Variants in TENT4B observed in about 807,000 individuals in gnomAD.
TENT4B encodes the protein PAP associated domain containing 5.
In TENT4B, 10 loss-of-function variants were observed where a neutral mutation model predicts 75.0. That is an observed-to-expected ratio of 0.13 (90% confidence interval 0.08 to 0.23). The LOEUF is 0.23. Ranked by LOEUF, TENT4B falls within the 10% of genes least tolerant of loss-of-function variation. The probability of loss-of-function intolerance (pLI) is 1.00; values close to 1 mark genes in which losing one functional copy is unlikely to be tolerated. For missense variants in TENT4B, 579 were observed against 893.8 expected (o/e 0.65, Z 4.49); for synonymous variants, 350 against 357.7 (o/e 0.98, Z 0.24).
At chr16:50,208,969 G>A (rs773167961) in intron 1 of TENT4B, among the ~76,000 whole-genome samples, 9 of 152,200 alleles carry the variant, frequency 5.9e-5, no homozygotes, top group African/African-American at 1.9e-4. Context: ...GGCCTCAGGC[G>A]ATCTGCCTGC....
intron 1 of TENT4B, among the ~76,000 whole-genome samples, chr16:50,210,520 G>A (rs1254447651): frequency 1.3e-5 from 2 of 152,172 alleles, no homozygotes; most frequent in African/African-American, 4.8e-5. Flanking sequence ...TTGCAACTCA[G>A]TGATTCATGA....
chr16:50,183,935 T>C (rs1305770101), intron 1 of TENT4B, among the ~76,000 whole-genome samples: 1 of 152,136 alleles, frequency 6.6e-6, no homozygotes, highest in Non-Finnish European at 1.5e-5. Flanking sequence ...AGTGGGTGAA[T>C]TATATCTTTT....
intron 1 of TENT4B, among the ~76,000 whole-genome samples, chr16:50,157,807 T>C (rs771107702): frequency 2.6e-5 from 4 of 151,196 alleles, no homozygotes; most frequent in Non-Finnish European, 2.9e-5. Flanking sequence ...GCTCTGTCGC[T>C]CAGGCTGGAG....
At chr16:50,194,613 C>T (rs2030087735) in intron 1 of TENT4B, among the ~76,000 whole-genome samples, 1 of 151,912 alleles carries the variant, frequency 6.6e-6, no homozygotes, top group African/African-American at 2.4e-5. Context: ...CGCAGTGGTG[C>T]AGTCATGGCT....
At chr16:50,156,156 T>A (rs904530600) in intron 1 of TENT4B, among the ~76,000 whole-genome samples, 1 of 152,180 alleles carries the variant, frequency 6.6e-6, no homozygotes, top group African/African-American at 2.4e-5. Context: ...TAAAAACTGC[T>A]TATCACTTCA....
chr16:50,229,061 A>G (rs1288380214), intron 11 of TENT4B, 91 bp from the exon 12 acceptor site: 2 of 1,548,792 alleles, frequency 1.3e-6, no homozygotes, highest in Admixed American at 2.2e-5. Flanking sequence ...GCATATTCCT[A>G]GTTTTGAAAG....
At chr16:50,192,439 T>C (rs774714600) in intron 1 of TENT4B, among the ~76,000 whole-genome samples, 9 of 152,244 alleles carry the variant, frequency 5.9e-5, no homozygotes, top group Non-Finnish European at 1.0e-4. Context: ...AAAATTATTA[T>C]GAGTACACAA....
intron 1 of TENT4B, 96 bp downstream of exon 1, chr16:50,154,355 C>T (rs1264095730): frequency 7.4e-7 from 1 of 1,348,996 alleles, no homozygotes; most frequent in Non-Finnish European, 9.5e-7. Flanking sequence ...TAGGAGCGGC[C>T]ACCCCCACGG....
intron 10 of TENT4B, among the ~76,000 whole-genome samples, chr16:50,226,221 G>C (rs1393161603): frequency 2.6e-5 from 4 of 151,280 alleles, no homozygotes; most frequent in Admixed American, 6.6e-5. Flanking sequence ...GGCTGGTCTC[G>C]AATTCCTGAC....
intron 4 of TENT4B, among the ~76,000 whole-genome samples, chr16:50,216,709 A>G (rs2031574244): frequency 1.3e-5 from 2 of 152,068 alleles, no homozygotes; most frequent in Non-Finnish European, 2.9e-5. Context: ...TTAGAGAGAT[A>G]CAGTCTCACT....
chr16:50,153,040 G>A (rs1425772171), upstream of TENT4B: 1 of 1,510,836 alleles, frequency 6.6e-7, no homozygotes, highest in Admixed American at 2.0e-5. Context: ...CAGGTACGTG[G>A]GAGCACTCCA....
chr16:50,224,942 T>C lies in TENT4B; in HGVS notation c.1560T>C (p.Asp520=). 1 of 1,613,872 alleles carries C rather than the reference T, an allele frequency of 6.2e-7. No homozygotes were observed. The highest frequency in any genetic ancestry group is 8.5e-7 in the Non-Finnish European group (1 of 1,179,832). Residue 520 remains aspartate, a synonymous_variant, in exon 9 of 12, where the codon GAT becomes GAC. Coordinates refer to ENST00000561678, the MANE Select transcript of TENT4B (RefSeq NM_001365324.3). The stretch of plus-strand genomic sequence containing the variant: ...CAGATGAAGTTGCCACATATAGAGA[T>C]TGGATATCAAAGCAGTGGGGCTTGA... The part of the protein sequence containing the change: ...RVTDEVATYR[D]WISKQWGLKN...
intron 1 of TENT4B, among the ~76,000 whole-genome samples, chr16:50,186,427 T>A (rs1596687462): frequency 6.6e-6 from 1 of 152,214 alleles, no homozygotes. Flanking sequence ...TTTAATGTTT[T>A]TAGAGATAGT....
intron 1 of TENT4B, among the ~76,000 whole-genome samples, chr16:50,162,819 G>T (rs2038026893): frequency 2.6e-5 from 4 of 152,146 alleles, no homozygotes; most frequent in Admixed American, 1.3e-4. Flanking sequence ...AAGTAAAACT[G>T]TGGGGTTTAT....
intron 1 of TENT4B, among the ~76,000 whole-genome samples, chr16:50,177,926 A>C (rs1266728047): frequency 6.6e-6 from 1 of 151,970 alleles, no homozygotes; most frequent in Non-Finnish European, 1.5e-5. Context: ...TCATATTTTC[A>C]TTTTCATTTA....
intron 7 of TENT4B, among the ~76,000 whole-genome samples, chr16:50,223,860 A>G (rs1274822213): frequency 6.6e-6 from 1 of 152,166 alleles, no homozygotes; most frequent in Non-Finnish European, 1.5e-5. Context: ...TTGATTTTGC[A>G]TGTCTCTTTG....
rs1240273373 is a variant in TENT4B at position 50,227,830 on chromosome 16, T to C, written c.1801-9T>C. 6.2e-7 allele frequency: 1 copy of C among 1,613,824 alleles called. No homozygotes were observed. The highest frequency in any genetic ancestry group is 8.5e-7 in the Non-Finnish European group (1 of 1,179,734). On this transcript the variant is annotated splice_polypyrimidine_tract_variant and intron_variant, in intron 10 of 11. Coordinates refer to ENST00000561678, the MANE Select transcript of TENT4B (RefSeq NM_001365324.3). ...TATGTCACATTATAACTCACGTGAC[T>C]TGTGTTAGGATTCCGATGCAACACC...
Position 50,153,790 on chromosome 16 carries a change from A to G in TENT4B, c.169A>G (p.Thr57Ala). Residue 57 changes from threonine to alanine, a missense_variant, in exon 1 of 12, where the codon ACG (threonine) becomes GCG (alanine). Transcript: ENST00000561678. ...GGGGSSSSSS[T>A]ATGGSGSSTG... ...CGGCGGCAGCAGCAGCAGCAGCAGCACGGCCACCGGCGGGAGCGGCAGCAG... is the reference window on the plus strand; with the variant it reads ...CGGCGGCAGCAGCAGCAGCAGCAGCGCGGCCACCGGCGGGAGCGGCAGCAG... The G allele has an allele frequency of 8.4e-7, 1 of 1,190,036 alleles. No individual in the cohort carries two copies. The allele number at this position is 1,190,036 out of a possible 1,614,324, so 73.7% of individuals were successfully genotyped here.
In TENT4B at chr16:50,231,594, A is replaced by G; in HGVS notation, c.*2266A>G. The G allele has an allele frequency of 2.0e-6, 2 of 985,846 alleles. No individual in the cohort carries two copies. The highest frequency in any genetic ancestry group is 1.2e-6 in the Non-Finnish European group (1 of 829,920). The allele number at this position is 985,846 out of a possible 1,614,324, so 61.1% of individuals were successfully genotyped here. On this transcript the variant is annotated 3_prime_UTR_variant, in exon 12 of 12. Transcript: ENST00000561678. ...GTAGCGGGAAGATAATTCTGATTCCATTGGGAATCTTAGGTTTTCGTAAAT... is the reference window on the plus strand; with the variant it reads ...GTAGCGGGAAGATAATTCTGATTCCGTTGGGAATCTTAGGTTTTCGTAAAT...
Sources: gnomAD v4.1 joint callset for allele counts (sites outside exome capture counted in the v4.1 genomes callset) on GRCh38, gnomAD v4.1.1 for gene constraint, MANE v1.5 for transcripts, NCBI Gene and HGNC (gene_info 2026-07-23, HGNC 2026-07-21) for gene names.